Variants in ADRA1A observed in about 807,000 individuals in gnomAD.
ADRA1A encodes the protein adrenoceptor alpha 1A.
A neutral mutation model predicts 29.6 loss-of-function variants in ADRA1A; 31 were observed. That is an observed-to-expected ratio of 1.05 (90% CI 0.79 to 1.41). ADRA1A has a LOEUF of 1.41. ADRA1A is among the 40% of genes most tolerant of loss of function. The pLI is 0.00. For synonymous variants in ADRA1A, 311 were observed against 254.3 expected (o/e 1.22, Z -2.12); for missense variants, 619 against 601.1 (o/e 1.03, Z -0.31).
intron 2 of ADRA1A, among the ~76,000 whole-genome samples, chr8:26,811,207 T>G (rs75930861): frequency 6.6e-6 from 1 of 151,794 alleles, no homozygotes; most frequent in Non-Finnish European, 1.5e-5. Flanking sequence ...TTTTTTTTTT[T>G]GTTGAGACGG....
At chr8:26,832,625 A>G (rs1394631266) in intron 2 of ADRA1A, among the ~76,000 whole-genome samples, 1 of 152,134 alleles carries the variant, frequency 6.6e-6, no homozygotes, top group Non-Finnish European at 1.5e-5. Flanking sequence ...AAAAGAAAAG[A>G]AAATGAGAAA....
Position 26,825,191 on chromosome 8 carries a change from C to T in ADRA1A, c.883+38896G>A, listed in dbSNP as rs924411570. Among the ~76,000 whole-genome samples, 57 of 152,176 alleles carry T rather than the reference C, an allele frequency of 3.7e-4. No individual in the cohort carries two copies. The highest frequency in any genetic ancestry group is 1.4e-3 in the African/African-American group (56 of 41,444). ...TGCTAGGCCTTCCAGGGCCTCGGTC[C>T]CCACATCTGTGTTGGGAGAGAGGAG... On this transcript the variant is annotated intron_variant, in intron 2 of 2. Transcript: ENST00000380573. The surrounding 1 kb of genome is among the most constrained non-coding windows in gnomAD (Gnocchi z 5.7).
At position 26,787,462 on chromosome 8, in the gene ADRA1A, C is replaced by G. The variant is rs889402309; in HGVS notation, c.884-16796G>C. On this transcript the variant is annotated intron_variant, in intron 2 of 2. Transcript: ENST00000380573. This position sits in a 1 kb window ranked among gnomAD's most constrained non-coding sequence, Gnocchi z 4.2. ...TTGACAAAATGCAACTAATAAAGTA[C>G]GCCTAAAAAACAATCAGGTAAGATT... Among the ~76,000 whole-genome samples, 2 of 151,930 alleles carry G rather than the reference C, an allele frequency of 1.3e-5. No individual in the cohort carries two copies. The highest frequency in any genetic ancestry group is 2.9e-5 in the Non-Finnish European group (2 of 67,978).
Position 26,839,121 on chromosome 8 carries a change from G to T in ADRA1A, c.883+24966C>A, listed in dbSNP as rs1392436882. The stretch of plus-strand genomic sequence containing the variant: ...TGCTAATTATTAGAAAGTAATAAGG[G>T]TGCTAGTTAAGTGGTGCTTCACTTC... On this transcript the variant is annotated intron_variant, in intron 2 of 2. Transcript: ENST00000380573. Among the ~76,000 whole-genome samples the T allele has an allele frequency of 2.6e-5, 4 of 152,056 alleles. No homozygotes were observed. The East Asian group carries it at 7.7e-4, about 29-fold the overall frequency.
chr8:26,832,404 G>T (rs550587000), intron 2 of ADRA1A, among the ~76,000 whole-genome samples: 164 of 152,202 alleles, frequency 1.1e-3, no homozygotes, highest in Admixed American at 5.0e-3. Context: ...CACTCTTTGC[G>T]GAGGCAAAAG....
At position 26,864,232 on chromosome 8, in the gene ADRA1A, G is replaced by T. The variant is rs777015396; in HGVS notation, c.738C>A (p.Ser246Arg). 7 of 1,614,190 alleles carry T rather than the reference G, an allele frequency of 4.3e-6. No individual in the cohort carries two copies. Among genetic ancestry groups the T allele is most frequent in the Non-Finnish European group, 5.9e-6 (7 of 1,180,038 alleles). ...TCTTGGTCTTGGCGCTGGCCATCCC[G>T]CTGCCTCCTGCCGGGGCGTTTTTCC... ...IHRKNAPAGGSGMASAKTKTH... is the reference protein window; with the variant it reads ...IHRKNAPAGGRGMASAKTKTH... Residue 246 changes from serine (S) to arginine (R), a missense_variant, in exon 2 of 3, where the codon AGC becomes AGA. Coordinates refer to ENST00000380573, the MANE Select transcript of ADRA1A (RefSeq NM_000680.4). The surrounding 1 kb of genome is among the most constrained non-coding windows in gnomAD (Gnocchi z 8.1).
intron 2 of ADRA1A, among the ~76,000 whole-genome samples, chr8:26,811,409 G>A (rs1809386062): frequency 6.6e-6 from 1 of 152,068 alleles, no homozygotes; most frequent in Non-Finnish European, 1.5e-5. Context: ...AGCCAGGATG[G>A]TCTCGGTCTC....
intron 2 of ADRA1A, among the ~76,000 whole-genome samples, chr8:26,836,639 A>T (rs553225910): frequency 1.3e-5 from 2 of 152,358 alleles, no homozygotes; most frequent in South Asian, 4.1e-4. Flanking sequence ...AGGCTACATA[A>T]ACCAAAACCA....
intron 2 of ADRA1A, among the ~76,000 whole-genome samples, chr8:26,809,731 C>T (rs72609964): frequency 0.026 from 3,922 of 152,288 alleles, 75 homozygotes; most frequent in Middle Eastern, 0.061. Flanking sequence ...ATGGTTTCTT[C>T]CCACAAAGCG....
intron 2 of ADRA1A, among the ~76,000 whole-genome samples, chr8:26,857,126 T>C (rs1259345753): frequency 6.6e-6 from 1 of 152,112 alleles, no homozygotes; most frequent in Non-Finnish European, 1.5e-5. Flanking sequence ...TGAGCCTAGC[T>C]CTTCAAAGGC....
In ADRA1A at chr8:26,788,548, G is replaced by A. The variant is rs556859226; in HGVS notation, c.884-17882C>T. Among the ~76,000 whole-genome samples the A allele has an allele frequency of 1.2e-4, 18 of 152,300 alleles. No individual in the cohort carries two copies. The East Asian group carries it at 3.3e-3, about 28-fold the overall frequency. On this transcript the variant is annotated intron_variant, in intron 2 of 2. Transcript: ENST00000380573. ...AATAATAGTAATTATAACAGTAGAT[G>A]TAATTTATTAGTAATTTCAACTGTC... is the stretch of plus-strand genomic sequence containing the variant.
exon 3 of ADRA1A, chr8:26,756,744 G>A (rs1320252779): frequency 6.2e-7 from 1 of 1,614,184 alleles, no homozygotes; most frequent in Non-Finnish European, 8.5e-7. Flanking sequence ...AACAGTCGTG[G>A]ACGGGAAGCT....
rs148807606 is a variant in ADRA1A at position 26,857,220 on chromosome 8, A to G, written c.883+6867T>C. 3.1e-3 allele frequency among the ~76,000 whole-genome samples: 475 copies of G among 152,076 alleles called. 3 individuals are homozygous for G. Among genetic ancestry groups the G allele is most frequent in the African/African-American group, 0.011 (460 of 41,482 alleles). ...TTAGAAGGGAACAGAGGCCACCAAGACTCACAGCCAGCTTCAATTGCCAGG... is the reference window on the plus strand; with the variant it reads ...TTAGAAGGGAACAGAGGCCACCAAGGCTCACAGCCAGCTTCAATTGCCAGG... On this transcript the variant is annotated intron_variant, in intron 2 of 2. Transcript: ENST00000380573.
In ADRA1A at chr8:26,830,031, C is replaced by T. The variant is rs544600901; in HGVS notation, c.883+34056G>A. Among the ~76,000 whole-genome samples, 170 of 152,234 alleles carry T rather than the reference C, an allele frequency of 1.1e-3. 1 individual carries two copies. The highest frequency in any genetic ancestry group is 3.9e-3 in the African/African-American group (161 of 41,528). On this transcript the variant is annotated intron_variant, in intron 2 of 2. Transcript: ENST00000380573. Reference sequence around the variant, plus strand: ...GAATGTCGGATGTTTGAAGACAGCACTAAGTGTATATTAGAGTGAGCACTG... The same window carrying T: ...GAATGTCGGATGTTTGAAGACAGCATTAAGTGTATATTAGAGTGAGCACTG...
rs1226673014 is a variant in ADRA1A at position 26,864,609 on chromosome 8, A to T, written c.361T>A (p.Ser121Thr). ...TASIMGLCII[S>T]IDRYIGVSYP... is the part of the protein sequence containing the mutation. ...CTCACGCCGATGTAGCGGTCGATGG[A>T]GATGATGCAGAGGCCCATGATGGAC... The change falls in exon 2 of 3, where the codon TCC (serine) becomes ACC (threonine). Residue 121 changes from serine (S) to threonine (T), a missense_variant. Ser to Thr is a moderately conservative substitution (Grantham distance 58). Coordinates refer to ENST00000380573, the MANE Select transcript of ADRA1A (RefSeq NM_000680.4). This position sits in a 1 kb window ranked among gnomAD's most constrained non-coding sequence, Gnocchi z 8.1. 5 of 1,614,004 alleles carry T rather than the reference A, an allele frequency of 3.1e-6. No homozygotes were observed. Among genetic ancestry groups the T allele is most frequent in the Non-Finnish European group, 2.5e-6 (3 of 1,180,044 alleles).
intron 2 of ADRA1A, among the ~76,000 whole-genome samples, chr8:26,835,446 G>T (rs1375137427): frequency 1.3e-5 from 2 of 152,154 alleles, no homozygotes; most frequent in Non-Finnish European, 2.9e-5. Context: ...TAGAGCTGGG[G>T]AGGCCTCAGG....
chr8:26,838,570 C>T (rs1022283668), intron 2 of ADRA1A, among the ~76,000 whole-genome samples: 2 of 152,160 alleles, frequency 1.3e-5, no homozygotes, highest in Non-Finnish European at 2.9e-5. Context: ...CTATGGAATA[C>T]AATTTAGAGC....
chr8:26,786,586 C>G (rs1807405647), intron 2 of ADRA1A, among the ~76,000 whole-genome samples: 1 of 151,906 alleles, frequency 6.6e-6, no homozygotes, highest in Non-Finnish European at 1.5e-5. Flanking sequence ...TTCTCTGCAC[C>G]AGGCCCTTCA....
rs1224698179 is a variant in ADRA1A at position 26,831,406 on chromosome 8, C to T, written c.883+32681G>A. Among the ~76,000 whole-genome samples, 1 of 151,940 alleles carries T rather than the reference C, an allele frequency of 6.6e-6. No homozygotes were observed. The highest frequency in any genetic ancestry group is 1.9e-4 in the East Asian group (1 of 5,144). ...AAGGAGAGAGAGAAAGAGAGAGAGCCTGCTATGCCATGGCCAGTGCTCAAG... is the reference window on the plus strand; with the variant it reads ...AAGGAGAGAGAGAAAGAGAGAGAGCTTGCTATGCCATGGCCAGTGCTCAAG... On this transcript the variant is annotated intron_variant, in intron 2 of 2. Transcript: ENST00000380573. This position sits in a 1 kb window ranked among gnomAD's most constrained non-coding sequence, Gnocchi z 5.2.
Sources: gnomAD v4.1 joint callset for allele counts (sites outside exome capture counted in the v4.1 genomes callset) on GRCh38, gnomAD v4.1.1 for gene constraint, Gnocchi (gnomAD v3.1) non-coding constraint, MANE v1.5 for transcripts, NCBI Gene and HGNC (gene_info 2026-07-23, HGNC 2026-07-21) for gene names.